CTNND2: variants seen among roughly 807,000 people sequenced by gnomAD.
The protein encoded by CTNND2 is catenin delta 2.
A neutral mutation model predicts 144.4 loss-of-function variants in CTNND2; 22 were observed. The ratio of observed to expected loss-of-function variants is 0.15; its 90% CI spans 0.11 to 0.22. CTNND2 has a LOEUF of 0.22. CTNND2 is among the 10% of genes least tolerant of loss of function. The pLI, the probability that CTNND2 is intolerant of heterozygous loss-of-function variation, is 1.00. For missense variants in CTNND2, 1,353 were observed against 1,618.8 expected, an observed-to-expected ratio of 0.84 and a Z score of 2.82; for synonymous variants, 751 against 695.6, an observed-to-expected ratio of 1.08 and a Z score of -1.25.
intron 2 of CTNND2, among the ~76,000 whole-genome samples, chr5:11,587,409 C>A (rs1181484021): frequency 1.3e-5 from 2 of 151,876 alleles, no homozygotes; most frequent in Non-Finnish European, 2.9e-5. Context: ...AGAATAATAT[C>A]TTTCTTCTGA....
intron 8 of CTNND2, among the ~76,000 whole-genome samples, chr5:11,359,308 A>G (rs183730024): frequency 6.6e-6 from 1 of 152,332 alleles, no homozygotes; most frequent in East Asian, 1.9e-4. Flanking sequence ...ATAAATGCCC[A>G]AATATTAGGG....
chr5:11,046,075 T>C (rs910892251), intron 16 of CTNND2, among the ~76,000 whole-genome samples: 1 of 152,130 alleles, frequency 6.6e-6, no homozygotes, highest in Non-Finnish European at 1.5e-5. Context: ...CTGCCGGTTC[T>C]GGGTTGAATT....
chr5:11,088,447 T>C (rs1750409103), intron 15 of CTNND2, among the ~76,000 whole-genome samples: 1 of 152,234 alleles, frequency 6.6e-6, no homozygotes, highest in Non-Finnish European at 1.5e-5. Flanking sequence ...ATAAAATTAA[T>C]TCAGTTGTTT....
At chr5:11,028,710 C>CT (rs1349129002) in intron 16 of CTNND2, among the ~76,000 whole-genome samples, 1 of 152,094 alleles carries the variant, frequency 6.6e-6, no homozygotes, top group East Asian at 1.9e-4. Flanking sequence ...AATGTACACT[C>CT]TTTTTTTCTT....
At chr5:11,715,997 T>C (rs571261385) in intron 2 of CTNND2, among the ~76,000 whole-genome samples, 1 of 152,252 alleles carries the variant, frequency 6.6e-6, no homozygotes, top group East Asian at 1.9e-4. Context: ...CTTCGTTCAA[T>C]ACATAATAAT....
chr5:11,438,119 G>A (rs1763933211), intron 3 of CTNND2, among the ~76,000 whole-genome samples: 1 of 152,170 alleles, frequency 6.6e-6, no homozygotes, highest in South Asian at 2.1e-4. Flanking sequence ...ACACAAAATG[G>A]CCAGCTGTGT....
chr5:11,003,010 T>C (rs1740108799), intron 18 of CTNND2, among the ~76,000 whole-genome samples: 1 of 152,210 alleles, frequency 6.6e-6, no homozygotes, highest in East Asian at 1.9e-4. Context: ...ATGGCCTTTT[T>C]CTACCTGTTT....
At chr5:11,670,295 G>C (rs1201438071) in intron 2 of CTNND2, among the ~76,000 whole-genome samples, 1 of 152,102 alleles carries the variant, frequency 6.6e-6, no homozygotes, top group Non-Finnish European at 1.5e-5. Context: ...TTCAAGTCCT[G>C]AATATCCTTG....
intron 2 of CTNND2, among the ~76,000 whole-genome samples, chr5:11,681,745 A>G (rs757543622): frequency 1.6e-4 from 25 of 152,366 alleles, no homozygotes; most frequent in Middle Eastern, 3.4e-3. Context: ...TTTGATGTGT[A>G]CTTCCTAAAA....
At chr5:11,258,668 G>A (rs913448769) in intron 9 of CTNND2, among the ~76,000 whole-genome samples, 4 of 152,116 alleles carry the variant, frequency 2.6e-5, no homozygotes, top group African/African-American at 9.7e-5. Flanking sequence ...ACACTCATGA[G>A]CAGTTTCTTC....
intron 18 of CTNND2, among the ~76,000 whole-genome samples, chr5:11,011,094 T>C (rs852619): frequency 0.78 from 118,136 of 152,234 alleles, 46,104 homozygotes; most frequent in African/African-American, 0.85. Context: ...AGACCACTAA[T>C]ATTAGGAGGG....
At chr5:11,071,309 G>T (rs771203492) in intron 16 of CTNND2, among the ~76,000 whole-genome samples, 1 of 152,116 alleles carries the variant, frequency 6.6e-6, no homozygotes, top group East Asian at 1.9e-4. Flanking sequence ...AGGTTGAGGC[G>T]GGCAGATGGC....
At chr5:11,653,070 C>CATGT (rs765207824) in intron 2 of CTNND2, among the ~76,000 whole-genome samples, 9 of 143,502 alleles carry the variant, frequency 6.3e-5, no homozygotes, top group Non-Finnish European at 1.4e-4. Context: ...GAACAAAATT[C>CATGT]GTGTGTGTGT....
intron 2 of CTNND2, among the ~76,000 whole-genome samples, chr5:11,683,363 T>C (rs908445037): frequency 6.6e-6 from 1 of 152,214 alleles, no homozygotes; most frequent in Non-Finnish European, 1.5e-5. Context: ...AGAAAATAAA[T>C]AGGCTTCATT....
In CTNND2 at chr5:11,135,452, T is replaced by C. The variant is rs1322957385; in HGVS notation, c.2160-17885A>G. On this transcript the variant is annotated intron_variant, in intron 12 of 21. Transcript: ENST00000304623. Reference sequence around the variant, plus strand: ...AAGAAAAAAGTTACAGAAGAAACAGTGGATTCAACTTTTGACAAAACACAT... The same window carrying C: ...AAGAAAAAAGTTACAGAAGAAACAGCGGATTCAACTTTTGACAAAACACAT... Among the ~76,000 whole-genome samples the C allele has an allele frequency of 2.9e-5, 4 of 139,464 alleles. No homozygotes were observed. In the East Asian group the frequency reaches 8.6e-4, roughly 30 times the overall value. 91.5% of individuals were successfully genotyped at this position (139,464 alleles called of 152,430 possible).
intron 17 of CTNND2, 140 bp from the exon 18 acceptor site, chr5:11,018,198 T>C (rs1334017430): frequency 3.2e-6 from 2 of 619,086 alleles, no homozygotes; most frequent in Non-Finnish European, 5.9e-6. Context: ...CTGATATTAC[T>C]ACTGTAATTG....
chr5:11,048,643 G>A (rs938221846), intron 16 of CTNND2, among the ~76,000 whole-genome samples: 2 of 152,162 alleles, frequency 1.3e-5, no homozygotes, highest in African/African-American at 4.8e-5. Context: ...AGTCATCTAT[G>A]GCAACTCAAG....
At chr5:11,510,043 C>G (rs1771491626) in intron 3 of CTNND2, among the ~76,000 whole-genome samples, 1 of 152,162 alleles carries the variant, frequency 6.6e-6, no homozygotes. Flanking sequence ...GCGATCCACC[C>G]TCCTCAGCCT....
intron 15 of CTNND2, among the ~76,000 whole-genome samples, chr5:11,088,269 GCATGAATACAC>G (rs1307744210): frequency 6.6e-6 from 1 of 152,102 alleles, no homozygotes; most frequent in Non-Finnish European, 1.5e-5. Context: ...TAACAGTGAT[GCATGAATACAC>G]CATTGAGAAG....
Sources: allele counts gnomAD v4.1 joint callset (sites outside exome capture counted in the v4.1 genomes callset), GRCh38; gene constraint gnomAD v4.1.1; transcripts MANE v1.5; gene names NCBI Gene and HGNC (gene_info 2026-07-23, HGNC 2026-07-21).